The following DNAH12 variants were observed in gnomAD, a reference collection of about 807,000 sequenced individuals.
DNAH12 encodes the protein axonemal beta dynein heavy chain 12.
DNAH12 carries 285 observed loss-of-function variants against 371.5 expected under a neutral mutation model. The observed-to-expected ratio is 0.77, with a 90% CI of 0.70 to 0.85. DNAH12 has a LOEUF of 0.85. DNAH12 is among the 40% of genes least tolerant of loss of function. DNAH12 has a pLI of 0.00. For synonymous variants in DNAH12, 1,200 were observed against 1,213.0 expected (o/e 0.99, Z 0.22); for missense variants, 3,611 against 3,689.4 (o/e 0.98, Z 0.55).
chr3:57,466,906 T>C (rs2066219500), intron 17 of DNAH12, among the ~76,000 whole-genome samples: 1 of 151,160 alleles, frequency 6.6e-6, no homozygotes, highest in East Asian at 2.0e-4. Flanking sequence ...TGAATTTTTT[T>C]TACCGTGCCT....
At chr3:57,334,680 T>C in intron 61 of DNAH12, 71 bp from the exon 62 acceptor site, 1 of 1,509,584 alleles carries the variant, frequency 6.6e-7, no homozygotes, top group South Asian at 1.3e-5. Context: ...GAACAAGGAG[T>C]AGAAACCAGA....
At chr3:57,511,786 A>T (rs1697478779) in intron 4 of DNAH12, among the ~76,000 whole-genome samples, 1 of 152,190 alleles carries the variant, frequency 6.6e-6, no homozygotes, top group African/African-American at 2.4e-5. Flanking sequence ...AAAATTTAGC[A>T]TATGATAAAC....
intron 5 of DNAH12, among the ~76,000 whole-genome samples, chr3:57,510,116 G>A (rs1266857882): frequency 6.6e-6 from 1 of 151,644 alleles, no homozygotes; most frequent in East Asian, 1.9e-4. Flanking sequence ...AAGGAAAAAA[G>A]TTTATTCTAA....
intron 43 of DNAH12, among the ~76,000 whole-genome samples, chr3:57,399,544 T>G (rs2063813494): frequency 6.6e-6 from 1 of 152,142 alleles, no homozygotes; most frequent in African/African-American, 2.4e-5. Flanking sequence ...AAAAATAGAC[T>G]TTAAGTCAAA....
intron 4 of DNAH12, among the ~76,000 whole-genome samples, chr3:57,522,851 T>A (rs2068500451): frequency 6.6e-6 from 1 of 151,964 alleles, no homozygotes; most frequent in Admixed American, 6.6e-5. Context: ...TTTTTTTTTT[T>A]AATCTCTAGC....
chr3:57,412,232 T>C (rs1575565257), intron 39 of DNAH12, among the ~76,000 whole-genome samples: 1 of 152,138 alleles, frequency 6.6e-6, no homozygotes, highest in East Asian at 1.9e-4. Flanking sequence ...AAGACAAATA[T>C]CGTTAAACAA....
intron 45 of DNAH12, among the ~76,000 whole-genome samples, chr3:57,388,453 A>G (rs1327502269): frequency 1.9e-3 from 287 of 150,936 alleles, no homozygotes; most frequent in Non-Finnish European, 3.4e-3. Flanking sequence ...GCATTTTAAG[A>G]CCATTTTTTT....
intron 32 of DNAH12, among the ~76,000 whole-genome samples, chr3:57,432,581 G>T (rs1229069676): frequency 6.6e-6 from 1 of 152,054 alleles, no homozygotes; most frequent in African/African-American, 2.4e-5. Flanking sequence ...CACACACTAG[G>T]ATACTAATAT....
chr3:57,552,040 C>G, the DNAH12 span, among the ~76,000 whole-genome samples: 1 of 149,846 alleles, frequency 6.7e-6, no homozygotes, highest in African/African-American at 2.5e-5. Flanking sequence ...GTCAAGAGAT[C>G]GAGACCATCC....
chr3:57,452,104 ATTCT>A (rs1368477004), intron 25 of DNAH12, among the ~76,000 whole-genome samples: 10 of 152,056 alleles, frequency 6.6e-5, no homozygotes, highest in African/African-American at 2.4e-4. Context: ...CCTCAGTTGA[ATTCT>A]TTCTTCTGAG....
intron 49 of DNAH12, among the ~76,000 whole-genome samples, chr3:57,383,668 G>A (rs1391145585): frequency 9.2e-6 from 1 of 108,694 alleles, no homozygotes; most frequent in African/African-American, 3.5e-5. Context: ...GGGGGGCGGG[G>A]GGGATTACTT....
In DNAH12 at chr3:57,323,492, G is replaced by A. The variant is rs1559553112; in HGVS notation, c.10106C>T (p.Ser3369Phe). The A allele has an allele frequency of 6.5e-7, 1 of 1,549,912 alleles. No homozygotes were observed. The highest frequency in any genetic ancestry group is 1.2e-5 in the South Asian group (1 of 83,450). The change falls in exon 63 of 74, where the codon TCT becomes TTT. Residue 3369 changes from serine to phenylalanine, a missense_variant. Coordinates refer to ENST00000495027, the MANE Select transcript of DNAH12 (RefSeq NM_001366028.2). ...ACTGGCCATAGGATCTGCTCCTGGA[G>A]ATAGAACAAAAATTAAGGGAATGGT... ...NCTIPLIFVL[S>F]PGADPMASLL...
chr3:57,445,598 G>A (rs2065461033), intron 27 of DNAH12, among the ~76,000 whole-genome samples, 179 bp from the exon 28 acceptor site: 1 of 151,672 alleles, frequency 6.6e-6, no homozygotes. Context: ...TATTTTTTTG[G>A]ATGTTTAAAA....
intron 13 of DNAH12, among the ~76,000 whole-genome samples, chr3:57,483,125 A>G (rs2066806605): frequency 6.6e-6 from 1 of 151,522 alleles, no homozygotes; most frequent in Non-Finnish European, 1.5e-5. Context: ...AGAAATTCCA[A>G]GCTAAAATTA....
chr3:57,392,390 G>C (rs1360046171), intron 44 of DNAH12, among the ~76,000 whole-genome samples: 1 of 152,054 alleles, frequency 6.6e-6, no homozygotes, highest in African/African-American at 2.4e-5. Flanking sequence ...AATCAGTAAG[G>C]AACTAGTTAT....
At chr3:57,490,441 T>A (rs1176819317) in intron 11 of DNAH12, among the ~76,000 whole-genome samples, 3 of 152,228 alleles carry the variant, frequency 2.0e-5, no homozygotes, top group African/African-American at 7.2e-5. Context: ...GGTAATTTTT[T>A]AAAATTAAAC....
chr3:57,293,943 A>G lies in DNAH12; in HGVS notation c.11721T>C (p.Asp3907=). Residue 3907 remains aspartate, a synonymous_variant, in exon 74 of 74, where the codon GAT becomes GAC. Coordinates refer to ENST00000495027, the MANE Select transcript of DNAH12 (RefSeq NM_001366028.2). The part of the protein sequence containing the change: ...PTQKSRIIKS[D]AYVCPLYKTS... ...TCTTGTAGAGGGGACAGACATAGGCATCCGACTTTATAATCCGAGATTTTT... is the reference window on the plus strand; with the variant it reads ...TCTTGTAGAGGGGACAGACATAGGCGTCCGACTTTATAATCCGAGATTTTT... 7.0e-7 allele frequency: 1 copy of G among 1,428,722 alleles called. No homozygotes were observed. Among genetic ancestry groups the G allele is most frequent in the Non-Finnish European group, 9.2e-7 (1 of 1,083,022 alleles). The allele number at this position is 1,428,722 out of a possible 1,614,324, so 88.5% of individuals were successfully genotyped here.
In DNAH12 at chr3:57,472,661, C is replaced by T. The variant is rs948283048; in HGVS notation, c.1661G>A (p.Arg554His). ...ELILRIQESK[R>H]QMSYFLDVFL... ...AACATCTAAAAAGTAACTCATTTGG[C>T]GTTTAGATTCCTACAAAAGAAACTC... The change falls in exon 14 of 74, where the codon CGC becomes CAC. Residue 554 changes from arginine to histidine, a missense_variant. Coordinates refer to ENST00000495027, the MANE Select transcript of DNAH12 (RefSeq NM_001366028.2). The T allele has an allele frequency of 3.1e-5, 48 of 1,548,942 alleles. No homozygotes were observed. Among genetic ancestry groups the T allele is most frequent in the Admixed American group, 3.9e-5 (2 of 50,720 alleles).
intron 16 of DNAH12, among the ~76,000 whole-genome samples, chr3:57,470,204 C>T (rs924623738): frequency 2.6e-5 from 4 of 152,014 alleles, no homozygotes; most frequent in African/African-American, 9.7e-5. Context: ...ATCTCTCACA[C>T]ATGAGCATGA....
Sources: gnomAD v4.1 joint callset for allele counts (sites outside exome capture counted in the v4.1 genomes callset) on GRCh38, gnomAD v4.1.1 for gene constraint, MANE v1.5 for transcripts, NCBI Gene and HGNC (gene_info 2026-07-23, HGNC 2026-07-21) for gene names.